The following GRIP1 variants were observed in gnomAD, a reference collection of about 807,000 sequenced individuals.
The protein encoded by GRIP1 is glutamate receptor interacting protein 1.
Under a neutral mutation model 129.9 loss-of-function variants are expected in GRIP1, and 45 were observed. The ratio of observed to expected loss-of-function variants is 0.35; its 90% CI spans 0.27 to 0.44. GRIP1 has a LOEUF of 0.44. GRIP1 is among the 20% of genes least tolerant of loss of function. The pLI is 1.00. For synonymous variants in GRIP1, 530 were observed against 520.8 expected (o/e 1.02, Z -0.24); for missense variants, 1,196 against 1,396.8 (o/e 0.86, Z 2.29).
chr12:66,973,919 C>CTTTTTTTTTTTTTT (rs535699240), intron 1 of GRIP1, among the ~76,000 whole-genome samples: 23 of 121,344 alleles, frequency 1.9e-4, no homozygotes, highest in Non-Finnish European at 2.5e-4. Context: ...CTTTTCTTTT[C>CTTTTTTTTTTTTTT]TTTTTTTTTT....
At chr12:66,645,648 A>G (rs1347411717) in intron 1 of GRIP1, among the ~76,000 whole-genome samples, 1 of 152,238 alleles carries the variant, frequency 6.6e-6, no homozygotes, top group Admixed American at 6.5e-5. Flanking sequence ...TTGGAAGTAT[A>G]AAATTAAGTG....
intron 1 of GRIP1, among the ~76,000 whole-genome samples, chr12:66,613,103 C>G (rs1426272309): frequency 6.6e-6 from 1 of 152,148 alleles, no homozygotes; most frequent in Non-Finnish European, 1.5e-5. Context: ...TAAAACTTAT[C>G]TTTAAAATAT....
chr12:66,401,063 T>C (rs1042419735), intron 16 of GRIP1, among the ~76,000 whole-genome samples: 1 of 152,270 alleles, frequency 6.6e-6, no homozygotes, highest in East Asian at 1.9e-4. Context: ...CCTTCAGTAA[T>C]GGAAGACGAC....
chr12:66,582,468 C>G (rs2063429738), intron 2 of GRIP1, among the ~76,000 whole-genome samples: 1 of 149,508 alleles, frequency 6.7e-6, no homozygotes. Context: ...GTCAAATTGT[C>G]TCTGTTTGCA....
chr12:66,685,278 G>A (rs998899203), intron 1 of GRIP1, among the ~76,000 whole-genome samples: 1 of 151,942 alleles, frequency 6.6e-6, no homozygotes, highest in African/African-American at 2.4e-5. Context: ...TGGGGGCAGG[G>A]GGAAGTATTA....
chr12:66,463,239 C>T, intron 8 of GRIP1, 146 bp from the exon 9 acceptor site: 1 of 718,990 alleles, frequency 1.4e-6, no homozygotes, highest in Non-Finnish European at 2.4e-6. Context: ...GAAACACCAT[C>T]TGCCAAATTT....
chr12:66,364,560 C>T (rs2055023690), intron 23 of GRIP1, among the ~76,000 whole-genome samples: 1 of 152,144 alleles, frequency 6.6e-6, no homozygotes, highest in South Asian at 2.1e-4. Flanking sequence ...AGTTTATCTT[C>T]ACAAATATGG....
intron 1 of GRIP1, among the ~76,000 whole-genome samples, chr12:66,852,546 A>ATATGTGTGTATATATATATGTATATG (rs2039932617): frequency 6.9e-6 from 1 of 144,716 alleles, no homozygotes; most frequent in Non-Finnish European, 1.5e-5. Flanking sequence ...ATATGTATAT[A>ATATGTGTGTATATATATATGTATATG]TGTATATGTA....
intron 1 of GRIP1, among the ~76,000 whole-genome samples, chr12:66,981,157 T>C (rs571135626): frequency 1.8e-4 from 27 of 152,364 alleles, no homozygotes; most frequent in African/African-American, 5.5e-4. Flanking sequence ...TTAATGTGCA[T>C]AATCTCTAAT....
chr12:66,908,991 C>T (rs2043990125), intron 1 of GRIP1, among the ~76,000 whole-genome samples: 1 of 152,188 alleles, frequency 6.6e-6, no homozygotes. Flanking sequence ...CACCCAGCAC[C>T]AAACACCTCT....
At chr12:66,380,487 G>C (rs2056054872) in intron 19 of GRIP1, among the ~76,000 whole-genome samples, 1 of 152,186 alleles carries the variant, frequency 6.6e-6, no homozygotes, top group African/African-American at 2.4e-5. Flanking sequence ...TTTTCCACCA[G>C]GGAGTTACAT....
chr12:67,003,855 G>A (rs2042588085), intron 1 of GRIP1, among the ~76,000 whole-genome samples: 1 of 152,112 alleles, frequency 6.6e-6, no homozygotes, highest in Admixed American at 6.6e-5. Context: ...TACCACAAAT[G>A]TGGTGGCTTA....
chr12:66,465,824 G>A (rs73137565), intron 7 of GRIP1, among the ~76,000 whole-genome samples: 3,801 of 151,960 alleles, frequency 0.025, 82 homozygotes, highest in Middle Eastern at 0.054. Flanking sequence ...ATAAATAGAC[G>A]GATGGATGAA....
At chr12:66,661,534 G>A (rs948316841) in intron 1 of GRIP1, among the ~76,000 whole-genome samples, 10 of 151,526 alleles carry the variant, frequency 6.6e-5, no homozygotes, top group Non-Finnish European at 1.0e-4. Flanking sequence ...ATTTGACTTG[G>A]GGGAAGTCCT....
At chr12:66,938,042 G>A (rs922572731) in intron 1 of GRIP1, among the ~76,000 whole-genome samples, 2 of 152,074 alleles carry the variant, frequency 1.3e-5, no homozygotes, top group Non-Finnish European at 2.9e-5. Flanking sequence ...ATAAATAAAA[G>A]AATAAAACAC....
intron 1 of GRIP1, among the ~76,000 whole-genome samples, chr12:66,815,486 C>T (rs2039189456): frequency 6.6e-6 from 1 of 152,126 alleles, no homozygotes; most frequent in African/African-American, 2.4e-5. Flanking sequence ...TTACACTGAG[C>T]ACAGTGACTC....
chr12:66,673,972 T>C (rs901202159), intron 1 of GRIP1, among the ~76,000 whole-genome samples: 4 of 152,126 alleles, frequency 2.6e-5, no homozygotes, highest in African/African-American at 4.8e-5. Flanking sequence ...TTTGATGGCA[T>C]GAAATGAAGG....
chr12:66,490,119 G>C (rs899101946), intron 7 of GRIP1, among the ~76,000 whole-genome samples: 11 of 152,142 alleles, frequency 7.2e-5, no homozygotes, highest in African/African-American at 2.6e-4. Flanking sequence ...CACAGAATTA[G>C]AAAAGAAATT....
At chr12:66,941,412 A>T (rs190446107) in intron 1 of GRIP1, among the ~76,000 whole-genome samples, 30 of 152,162 alleles carry the variant, frequency 2.0e-4, no homozygotes, top group Admixed American at 6.5e-4. Context: ...AGTTCCAATG[A>T]CTCACCCCTT....
Sources: allele counts gnomAD v4.1 joint callset (sites outside exome capture counted in the v4.1 genomes callset), GRCh38; gene constraint gnomAD v4.1.1; transcripts MANE v1.5; gene names NCBI Gene and HGNC (gene_info 2026-07-23, HGNC 2026-07-21).